SH3TC1: variants seen among roughly 807,000 people sequenced by gnomAD.
The protein encoded by SH3TC1 is SH3 domain and tetratricopeptide repeats 1.
Under a neutral mutation model 117.3 loss-of-function variants are expected in SH3TC1, and 135 were observed. That is an observed-to-expected ratio of 1.15 (90% CI 1.00 to 1.33). The LOEUF is 1.33. SH3TC1 is among the 40% of genes most tolerant of loss of function. SH3TC1 has a pLI of 0.00. For missense variants in SH3TC1, 2,092 were observed against 1,794.3 expected (o/e 1.17, Z -3.00); for synonymous variants, 898 against 816.9 (o/e 1.10, Z -1.69).
Position 8,190,036 on chromosome 4 carries a change from G to A in SH3TC1, c.-57+7826G>A, listed in dbSNP as rs538296578. 2.6e-5 allele frequency among the ~76,000 whole-genome samples: 4 copies of A among 152,218 alleles called. No individual in the cohort carries two copies. Among genetic ancestry groups the A allele is most frequent in the African/African-American group, 9.6e-5 (4 of 41,460 alleles). ...GGTAGTTTTGGGGAGCGCGGCGTGG[G>A]TGCGTTGATGCGAGGCCAGGAAGTA... On this transcript the variant is annotated intron_variant, in intron 1 of 16. Transcript: ENST00000508641. This position sits in a 1 kb window ranked among gnomAD's most constrained non-coding sequence, Gnocchi z 4.7.
At chr4:8,218,225 C>T (rs750856944) in intron 7 of SH3TC1, 46 bp from the exon 8 acceptor site, 1 of 1,524,194 alleles carries the variant, frequency 6.6e-7, no homozygotes, top group Admixed American at 1.7e-5. Context: ...TGTATCTGCC[C>T]CAAATCTGAA....
At position 8,227,864 on chromosome 4, in the gene SH3TC1, C is replaced by A. The variant is rs1720674248; in HGVS notation, c.2170C>A (p.His724Asn). The A allele has an allele frequency of 1.2e-6, 2 of 1,612,844 alleles. No homozygotes were observed. The highest frequency in any genetic ancestry group is 1.6e-4 in the Middle Eastern group (1 of 6,062). ...ADIYSRKCLPHLVLSCVKVAS... is the reference protein window; with the variant it reads ...ADIYSRKCLPNLVLSCVKVAS... ...CATCTACAGCCGCAAGTGCCTGCCCCACCTGGTGCTGAGCTGTGTCAAGGT... is the reference window on the plus strand; with the variant it reads ...CATCTACAGCCGCAAGTGCCTGCCCAACCTGGTGCTGAGCTGTGTCAAGGT... Residue 724 changes from histidine (H) to asparagine (N), a missense_variant, in exon 12 of 18, where the codon CAC (histidine) becomes AAC (asparagine). Coordinates refer to ENST00000245105, the MANE Select transcript of SH3TC1 (RefSeq NM_018986.5).
At position 8,190,832 on chromosome 4, in the gene SH3TC1, G is replaced by T. The variant is rs1461326124; in HGVS notation, c.-57+8622G>T. Reference sequence around the variant, plus strand: ...ATTTTTTTGTATTTTTTGTAGAGACGGGTTTCACCATGTTGCCCAGGCTGG... The same window carrying T: ...ATTTTTTTGTATTTTTTGTAGAGACTGGTTTCACCATGTTGCCCAGGCTGG... On this transcript the variant is annotated intron_variant, in intron 1 of 16. Coordinates refer to the SH3TC1 transcript ENST00000508641. The surrounding 1 kb of genome is among the most constrained non-coding windows in gnomAD (Gnocchi z 4.7). Among the ~76,000 whole-genome samples, 1 of 151,996 alleles carries T rather than the reference G, an allele frequency of 6.6e-6. No homozygotes were observed. Among genetic ancestry groups the T allele is most frequent in the African/African-American group, 2.4e-5 (1 of 41,376 alleles).
At position 8,233,361 on chromosome 4, in the gene SH3TC1, A is replaced by G. The variant is rs1435228289; in HGVS notation, c.3132-2A>G. On this transcript the variant is annotated splice_acceptor_variant, in intron 13 of 17. Transcript: ENST00000245105. LOFTEE classifies it high-confidence loss of function. ...TGTTCTGACACCTGTGTCTGATACC[A>G]GGGCCTACAAATCCGCACTGGACTA... 3 of 1,603,916 alleles carry G rather than the reference A, an allele frequency of 1.9e-6. No individual in the cohort carries two copies. The highest frequency in any genetic ancestry group is 2.6e-6 in the Non-Finnish European group (3 of 1,174,740).
chr4:8,214,773 C>T (rs563597575), intron 5 of SH3TC1, among the ~76,000 whole-genome samples, 193 bp downstream of exon 5: 2 of 151,854 alleles, frequency 1.3e-5, no homozygotes, highest in South Asian at 2.1e-4. Context: ...AACCCCTGCT[C>T]CCCGGGTTCA....
At chr4:8,214,366 C>T in intron 4 of SH3TC1, 109 bp from the exon 5 acceptor site, 1 of 987,664 alleles carries the variant, frequency 1.0e-6, no homozygotes, top group South Asian at 1.5e-5. Context: ...TGTGTCGTCC[C>T]CCGCCGGGGC....
intron 1 of SH3TC1, among the ~76,000 whole-genome samples, chr4:8,187,048 T>C (rs756137397): frequency 8.6e-5 from 13 of 151,830 alleles, no homozygotes; most frequent in Non-Finnish European, 1.5e-4. Flanking sequence ...ACACCTGCCA[T>C]CCTTCAAAGC....
At chr4:8,191,229 T>C (rs1717406968) in intron 1 of SH3TC1, among the ~76,000 whole-genome samples, 1 of 152,244 alleles carries the variant, frequency 6.6e-6, no homozygotes, top group Non-Finnish European at 1.5e-5. Context: ...ACTGTGGACC[T>C]GCTGGGCCGC....
At chr4:8,238,607 G>T (rs1006050796) in intron 17 of SH3TC1, among the ~76,000 whole-genome samples, 10 of 152,206 alleles carry the variant, frequency 6.6e-5, no homozygotes, top group Non-Finnish European at 1.3e-4. Flanking sequence ...CTGCCAGGGA[G>T]GCCCCCGCCC....
At chr4:8,229,398 G>A (rs1454673545) in intron 12 of SH3TC1, 1 of 146,154 alleles carries the variant, frequency 6.8e-6, no homozygotes, top group Non-Finnish European at 1.5e-5. Context: ...AAGGCCCAGG[G>A]GTGAGCGAGT....
At chr4:8,188,419 C>G (rs1717294947) in intron 1 of SH3TC1, among the ~76,000 whole-genome samples, 1 of 152,264 alleles carries the variant, frequency 6.6e-6, no homozygotes, top group Non-Finnish European at 1.5e-5. Context: ...GACGACTGCT[C>G]TCCTTTGTGG....
intron 5 of SH3TC1, among the ~76,000 whole-genome samples, chr4:8,215,671 G>A (rs1719190367): frequency 6.6e-6 from 1 of 152,210 alleles, no homozygotes; most frequent in Non-Finnish European, 1.5e-5. Flanking sequence ...AGAGGGGGGA[G>A]CTCGCAGCAT....
intron 6 of SH3TC1, 83 bp downstream of exon 6, chr4:8,216,340 T>C: frequency 6.5e-7 from 1 of 1,531,818 alleles, no homozygotes; most frequent in African/African-American, 1.4e-5. Flanking sequence ...GATCCCGCTG[T>C]GCTGAGCATG....
rs138642969 is a variant in SH3TC1, at chr4:8,240,743, G to C, written c.3799G>C (p.Ala1267Pro). 1.3e-5 allele frequency: 21 copies of C among 1,613,740 alleles called. No individual in the cohort carries two copies. The highest frequency in any genetic ancestry group is 1.7e-5 in the Non-Finnish European group (20 of 1,180,034). Reference sequence around the variant, plus strand: ...GTACTACCAGCTGGCGCTGGCAGCCGCCGTGGACCTGGGCAACAAGAAGGC... The same window carrying C: ...GTACTACCAGCTGGCGCTGGCAGCCCCCGTGGACCTGGGCAACAAGAAGGC... ...AGYYQLALAA[A>P]VDLGNKKAQL... is the part of the protein sequence containing the mutation. The change falls in exon 18 of 18, where the codon GCC becomes CCC. Residue 1267 changes from alanine (A) to proline (P), a missense_variant. Physicochemically the swap from Ala to Pro is conservative, Grantham distance 27 (BLOSUM62 -1). Coordinates refer to ENST00000245105, the MANE Select transcript of SH3TC1 (RefSeq NM_018986.5).
intron 1 of SH3TC1, among the ~76,000 whole-genome samples, chr4:8,189,361 A>G (rs1163896575): frequency 2.0e-5 from 3 of 152,242 alleles, no homozygotes; most frequent in Non-Finnish European, 2.9e-5. Flanking sequence ...GGGGCGGAGC[A>G]TGCTGAGTCT....
intron 1 of SH3TC1, among the ~76,000 whole-genome samples, chr4:8,203,586 C>T (rs1441341043): frequency 1.3e-5 from 2 of 152,046 alleles, no homozygotes; most frequent in Admixed American, 1.3e-4. Flanking sequence ...CTAACGCAGG[C>T]CCAGCTTGCC....
intron 10 of SH3TC1, 54 bp downstream of exon 10, chr4:8,223,024 C>A: frequency 6.3e-7 from 1 of 1,579,442 alleles, no homozygotes; most frequent in Non-Finnish European, 8.6e-7. Context: ...TTCCCTTCTG[C>A]AGCCCCTGCT....
rs370930258 is a variant in SH3TC1, at chr4:8,201,932, A to G, written c.-29+2527A>G. ...GGACTCCTGCTCTGCCTATAGGGAC[A>G]TAAGACCCAGCTTCTGAGGGACAAA... On this transcript the variant is annotated intron_variant, in intron 1 of 17. Coordinates refer to ENST00000245105, the MANE Select transcript of SH3TC1 (RefSeq NM_018986.5). Among the ~76,000 whole-genome samples the G allele has an allele frequency of 5.3e-5, 8 of 152,302 alleles. No individual in the cohort carries two copies. The East Asian group carries it at 5.8e-4, about 11-fold the overall frequency.
chr4:8,219,461 G>T lies in SH3TC1; in HGVS notation c.1043G>T (p.Arg348Leu), dbSNP rs750830682. 13 of 1,607,448 alleles carry T rather than the reference G, an allele frequency of 8.1e-6. No individual in the cohort carries two copies. The highest frequency in any genetic ancestry group is 1.1e-5 in the Non-Finnish European group (13 of 1,176,244). ...CCCAGCCTGCCCTGGTGCGTGGGCC[G>T]ACACGCAGCCTCGGGCCGGGTGGGG... The part of the protein sequence containing the change: ...QVPSLPWCVG[R>L]HAASGRVGFV... The change falls in exon 9 of 18, where the codon CGA (arginine) becomes CTA (leucine). Residue 348 changes from arginine (R) to leucine (L), a missense_variant. Transcript: ENST00000245105.
Sources: gnomAD v4.1 joint callset for allele counts (sites outside exome capture counted in the v4.1 genomes callset) on GRCh38, gnomAD v4.1.1 for gene constraint, Gnocchi (gnomAD v3.1) non-coding constraint, MANE v1.5 for transcripts, NCBI Gene and HGNC (gene_info 2026-07-23, HGNC 2026-07-21) for gene names.